Variants in PCDHGA2 observed in about 807,000 individuals in gnomAD.
The protein encoded by PCDHGA2 is protocadherin gamma subfamily A, 2.
Under a neutral mutation model 59.2 loss-of-function variants are expected in PCDHGA2, and 40 were observed. The observed-to-expected ratio is 0.68, with a 90% confidence interval of 0.52 to 0.88. The LOEUF (loss-of-function observed/expected upper bound fraction) is 0.88, where lower values mean the gene tolerates loss of function less well. PCDHGA2 is among the 40% of genes least tolerant of loss of function. The pLI is 0.00. For missense variants in PCDHGA2, 1,226 were observed against 1,204.0 expected (o/e 1.02, Z -0.27); for synonymous variants, 560 against 526.0 (o/e 1.06, Z -0.89).
chr5:141,389,597 G>A (rs372987681), intron 1 of PCDHGA2: 95 of 1,613,008 alleles, frequency 5.9e-5, no homozygotes, highest in Non-Finnish European at 7.5e-5. Context: ...ACGGCTCTGC[G>A]CTCTTCGATA....
chr5:141,368,302 A>G lies in PCDHGA2; in HGVS notation c.2424+26907A>G, dbSNP rs948478574. On this transcript the variant is annotated intron_variant, in intron 1 of 3. Transcript: ENST00000394576. The stretch of plus-strand genomic sequence containing the variant: ...ACCACTTGATTTTTATTTTTTAAAC[A>G]CTGTTAAAGAGCATTCAAGTATATC... 7.9e-5 allele frequency among the ~76,000 whole-genome samples: 12 copies of G among 152,282 alleles called. No individual in the cohort carries two copies. In the East Asian group the frequency reaches 2.3e-3, roughly 29 times the overall value.
intron 1 of PCDHGA2, chr5:141,422,354 A>G: frequency 6.4e-7 from 1 of 1,557,090 alleles, no homozygotes; most frequent in Non-Finnish European, 8.6e-7. Flanking sequence ...CAAGATCAAG[A>G]TTCTGGAGAA....
In PCDHGA2 at chr5:141,338,841, A is replaced by G; in HGVS notation, c.-131A>G. 1 of 1,396,390 alleles carries G rather than the reference A, an allele frequency of 7.2e-7. No homozygotes were observed. Among genetic ancestry groups the G allele is most frequent in the South Asian group, 1.8e-5 (1 of 56,142 alleles). 86.5% of individuals were successfully genotyped at this position (1,396,390 alleles called of 1,614,324 possible). A position where few individuals can be genotyped will look rare whatever the true frequency, so the allele number is the denominator to read the frequency against. On this transcript the variant is annotated 5_prime_UTR_variant, in exon 1 of 4. Coordinates refer to ENST00000394576, the MANE Select transcript of PCDHGA2 (RefSeq NM_018915.4). ...CAGGACACCAAAGAAATTCAGTCGA[A>G]CAGCCCACCAGTTCTCTCCATAGGG...
At chr5:141,426,726 G>A (rs916323483) in intron 1 of PCDHGA2, 2 of 448,052 alleles carry the variant, frequency 4.5e-6, no homozygotes, top group South Asian at 1.6e-5. Flanking sequence ...AGCAATTCCA[G>A]GCATTCGGTT....
chr5:141,405,327 G>A, intron 1 of PCDHGA2: 1 of 1,614,166 alleles, frequency 6.2e-7, no homozygotes. Flanking sequence ...GAGCCTTTGT[G>A]CGTCTCTGTT....
intron 1 of PCDHGA2, among the ~76,000 whole-genome samples, chr5:141,460,110 A>G (rs966038979): frequency 2.0e-5 from 3 of 151,894 alleles, no homozygotes; most frequent in African/African-American, 7.2e-5. Context: ...ATTATATATG[A>G]TTTTTATATA....
At chr5:141,360,070 C>T (rs1230687498) in intron 1 of PCDHGA2, 2 of 1,469,578 alleles carry the variant, frequency 1.4e-6, no homozygotes, top group Non-Finnish European at 1.8e-6. Context: ...GTGACCTTAG[C>T]CCGGATTCTG....
chr5:141,471,843 T>C (rs1471729261), intron 1 of PCDHGA2, among the ~76,000 whole-genome samples: 2 of 152,166 alleles, frequency 1.3e-5, no homozygotes, highest in Admixed American at 6.5e-5. Context: ...TTTAATAAAA[T>C]ATTCAGAAAA....
intron 1 of PCDHGA2, chr5:141,398,744 GTTACCATCGT>G (rs765550213): frequency 1.3e-4 from 209 of 1,613,736 alleles, no homozygotes; most frequent in Non-Finnish European, 1.7e-4. Context: ...GAACAACAGA[GTTACCATCGT>G]TTAGTCCTGA....
At chr5:141,343,597 T>C (rs1757299713) in intron 1 of PCDHGA2, among the ~76,000 whole-genome samples, 1 of 152,242 alleles carries the variant, frequency 6.6e-6, no homozygotes, top group African/African-American at 2.4e-5. Context: ...ATTGGTGGCA[T>C]TAAGGTTAGT....
At chr5:141,383,600 A>G (rs1429825116) in intron 1 of PCDHGA2, 2 of 1,613,728 alleles carry the variant, frequency 1.2e-6, no homozygotes, top group South Asian at 2.2e-5. Flanking sequence ...ACAGTGGTGG[A>G]TGTGAATGAC....
At chr5:141,372,218 T>A (rs1370078185) in intron 1 of PCDHGA2, 10 of 1,613,426 alleles carry the variant, frequency 6.2e-6, no homozygotes, top group East Asian at 4.5e-5. Context: ...CCTACCACAT[T>A]GTGCAGGCCA....
chr5:141,340,851 G>C lies in PCDHGA2; in HGVS notation c.1880G>C (p.Arg627Pro), dbSNP rs138760869. ...GTGGGTCTGCACACGGGCGAGGTGC[G>C]CACGGCGCGAGCCCTGCTGGACAGA... ...FSVGLHTGEVRTARALLDRDA... is the reference protein window; with the variant it reads ...FSVGLHTGEVPTARALLDRDA... Residue 627 changes from arginine (R) to proline (P), a missense_variant, in exon 1 of 4, where the codon CGC becomes CCC. Physicochemically the swap from Arg to Pro is moderately radical, Grantham distance 103. Coordinates refer to ENST00000394576, the MANE Select transcript of PCDHGA2 (RefSeq NM_018915.4). 3.1e-6 allele frequency: 5 copies of C among 1,613,602 alleles called. No homozygotes were observed. The highest frequency in any genetic ancestry group is 1.7e-6 in the Non-Finnish European group (2 of 1,179,926).
intron 1 of PCDHGA2, chr5:141,375,553 A>C: frequency 6.2e-7 from 1 of 1,613,838 alleles, no homozygotes; most frequent in Non-Finnish European, 8.5e-7. Flanking sequence ...TCTCCTACTC[A>C]CTGGCAGAAG....
intron 1 of PCDHGA2, chr5:141,382,749 G>A: frequency 1.6e-6 from 1 of 612,214 alleles, no homozygotes; most frequent in Non-Finnish European, 2.8e-6. Flanking sequence ...GACAGATTGC[G>A]ATAAGCCCTC....
At chr5:141,408,104 C>A (rs546603908) in intron 1 of PCDHGA2, 5 of 1,441,798 alleles carry the variant, frequency 3.5e-6, no homozygotes, top group Non-Finnish European at 2.7e-6. Flanking sequence ...CTCCGAGACC[C>A]GGGACTCCTC....
At chr5:141,460,864 A>C (rs1220160866) in intron 1 of PCDHGA2, among the ~76,000 whole-genome samples, 1 of 151,800 alleles carries the variant, frequency 6.6e-6, no homozygotes, top group East Asian at 1.9e-4. Flanking sequence ...AAGTTGCTGC[A>C]AAGGACATTA....
At chr5:141,422,459 T>C (rs1368153179) in intron 1 of PCDHGA2, 1 of 1,613,448 alleles carries the variant, frequency 6.2e-7, no homozygotes, top group South Asian at 1.1e-5. Context: ...AGCAGAGTGC[T>C]GGACAGGGAG....
At chr5:141,430,612 G>A (rs1406353008) in intron 1 of PCDHGA2, 2 of 680,678 alleles carry the variant, frequency 2.9e-6, no homozygotes, top group African/African-American at 3.7e-5. Flanking sequence ...GCACAAAGCA[G>A]ATAGCTAGGA....
Sources: gnomAD v4.1 joint callset for allele counts (sites outside exome capture counted in the v4.1 genomes callset) on GRCh38, gnomAD v4.1.1 for gene constraint, MANE v1.5 for transcripts, NCBI Gene and HGNC (gene_info 2026-07-23, HGNC 2026-07-21) for gene names.